SDK2: variants seen among roughly 807,000 people sequenced by gnomAD.
SDK2 encodes protein sidekick-2.
SDK2 carries 105 observed loss-of-function variants against 253.9 expected under a neutral mutation model. The ratio of observed to expected loss-of-function variants is 0.41; its 90% confidence interval spans 0.35 to 0.49. The LOEUF is 0.49. Among genes scored for constraint, SDK2 ranks in the 20% least tolerant of loss-of-function variants. SDK2 has a pLI of 0.06. For synonymous variants in SDK2, 1,249 were observed against 1,234.9 expected (o/e 1.01, Z -0.24); for missense variants, 2,608 against 3,003.0 (o/e 0.87, Z 3.07).
rs1298077756 is a variant in SDK2, at chr17:73,339,222, TG to T, written c.6166-283del. On this transcript the variant is annotated intron_variant, in intron 44 of 44. Transcript: ENST00000392650. Reference sequence around the variant, plus strand: ...GAATCAGAAGACCTGAGTTTTTTTTTGTTTTTGTTTTTGTTTTTTTTTTTTG... The same window carrying T: ...GAATCAGAAGACCTGAGTTTTTTTTTTTTTTGTTTTTGTTTTTTTTTTTTG... Among the ~76,000 whole-genome samples, 200 of 117,492 alleles carry T rather than the reference TG, an allele frequency of 1.7e-3. 1 individual carries two copies. Among genetic ancestry groups the T allele is most frequent in the African/African-American group, 4.0e-3 (143 of 35,878 alleles). The allele number at this position is 117,492 out of a possible 152,430, so 77.1% of individuals were successfully genotyped here.
chr17:73,498,869 G>A (rs932155943), intron 2 of SDK2, among the ~76,000 whole-genome samples: 4 of 152,348 alleles, frequency 2.6e-5, no homozygotes, highest in Non-Finnish European at 5.9e-5. Flanking sequence ...ACAGAGCAGG[G>A]GAGGGACGCA....
intron 1 of SDK2, among the ~76,000 whole-genome samples, chr17:73,542,328 G>T (rs1209460189): frequency 6.6e-6 from 1 of 152,238 alleles, no homozygotes; most frequent in African/African-American, 2.4e-5. Flanking sequence ...GGCTGCTCCT[G>T]TGATGGAGGG....
At chr17:73,370,288 G>A (rs892366777) in intron 36 of SDK2, among the ~76,000 whole-genome samples, 2 of 152,096 alleles carry the variant, frequency 1.3e-5, no homozygotes, top group Non-Finnish European at 2.9e-5. Context: ...TGTTGCCCAG[G>A]CTGGAGTGCA....
chr17:73,500,911 C>T (rs1241512540), intron 2 of SDK2, among the ~76,000 whole-genome samples: 1 of 152,190 alleles, frequency 6.6e-6, no homozygotes, highest in Non-Finnish European at 1.5e-5. Context: ...CATCCATCCT[C>T]CCTCTGTCCT....
At position 73,643,962 on chromosome 17, in the gene SDK2, C is replaced by CCCCCCCACCCCCCCCCCCA; in HGVS notation, c.64+62_64+63insTGGGGGGGGGGGTGGGGGG. ...TCACCGTGAGGCCGGCCAGCTCCCG[C>CCCCCCCACCCCCCCCCCCA]CGCCCCTCCCCCGCCCACTCTCCCA... On this transcript the variant is annotated intron_variant, in intron 1 of 44. Transcript: ENST00000392650. The surrounding 1 kb of genome is among the most constrained non-coding windows in gnomAD (Gnocchi z 6.9). 2.5e-6 allele frequency: 2 copies of CCCCCCCACCCCCCCCCCCA among 802,558 alleles called. No individual in the cohort carries two copies. Among genetic ancestry groups the CCCCCCCACCCCCCCCCCCA allele is most frequent in the Non-Finnish European group, 4.1e-6 (2 of 485,014 alleles). The allele number at this position is 802,558 out of a possible 1,614,324, so 49.7% of individuals were successfully genotyped here.
intron 1 of SDK2, among the ~76,000 whole-genome samples, chr17:73,512,606 A>G (rs1380780781): frequency 6.6e-6 from 1 of 152,146 alleles, no homozygotes; most frequent in African/African-American, 2.4e-5. Context: ...TAAGTAGGCA[A>G]AGTGATTCTA....
rs4789240 is a variant in SDK2 at position 73,642,387 on chromosome 17, C to T, written c.64+1638G>A. On this transcript the variant is annotated intron_variant, in intron 1 of 44. Transcript: ENST00000392650. This position sits in a 1 kb window ranked among gnomAD's most constrained non-coding sequence, Gnocchi z 4.7. Reference sequence around the variant, plus strand: ...GACAGATGCTGGCATCCCGTCCCTCCACGCCGTCCAGGCTTTTGGCTAGTA... The same window carrying T: ...GACAGATGCTGGCATCCCGTCCCTCTACGCCGTCCAGGCTTTTGGCTAGTA... Among the ~76,000 whole-genome samples the T allele has an allele frequency of 0.23, 34,900 of 152,202 alleles. 4,299 individuals are homozygous for T. The highest frequency in any genetic ancestry group is 0.28 in the South Asian group (1,335 of 4,828).
At chr17:73,588,753 C>G (rs1167175807) in intron 1 of SDK2, among the ~76,000 whole-genome samples, 2 of 152,252 alleles carry the variant, frequency 1.3e-5, no homozygotes, top group Non-Finnish European at 2.9e-5. Flanking sequence ...AGTGCGGAGA[C>G]TGGGAAGTCT....
At position 73,514,685 on chromosome 17, in the gene SDK2, C is replaced by T. The variant is rs1374797944; in HGVS notation, c.65-7088G>A. 3.3e-5 allele frequency among the ~76,000 whole-genome samples: 5 copies of T among 152,346 alleles called. No homozygotes were observed. The East Asian group carries it at 9.7e-4, about 29-fold the overall frequency. ...ACAAACTCCCTTCCCAGCTCTGAAA[C>T]ATGCAGAAACCTCTCTCTTTTTGCG... On this transcript the variant is annotated intron_variant, in intron 1 of 44. Coordinates refer to ENST00000392650, the MANE Select transcript of SDK2 (RefSeq NM_001144952.2).
intron 5 of SDK2, among the ~76,000 whole-genome samples, chr17:73,444,476 G>A (rs896681932): frequency 6.6e-6 from 1 of 152,180 alleles, no homozygotes; most frequent in African/African-American, 2.4e-5. Context: ...GGGCCCTGGG[G>A]TGGGAGGAAG....
intron 1 of SDK2, among the ~76,000 whole-genome samples, chr17:73,531,438 G>A (rs1249265506): frequency 6.6e-6 from 1 of 152,046 alleles, no homozygotes; most frequent in Non-Finnish European, 1.5e-5. Context: ...TGTGAGCCCA[G>A]CTGCCTGTTC....
At chr17:73,617,719 C>T (rs2046079683) in intron 1 of SDK2, among the ~76,000 whole-genome samples, 1 of 152,180 alleles carries the variant, frequency 6.6e-6, no homozygotes, top group East Asian at 1.9e-4. Context: ...GAGTCTGTCC[C>T]TGATGCCACT....
At chr17:73,355,334 C>T (rs890609173) in intron 40 of SDK2, among the ~76,000 whole-genome samples, 7 of 149,134 alleles carry the variant, frequency 4.7e-5, no homozygotes, top group South Asian at 2.2e-4. Context: ...CCCGCCACCA[C>T]GCCCGGCTAA....
intron 1 of SDK2, among the ~76,000 whole-genome samples, chr17:73,624,726 C>T (rs951156445): frequency 1.3e-5 from 2 of 152,200 alleles, no homozygotes; most frequent in African/African-American, 4.8e-5. Flanking sequence ...ATAAGCACCG[C>T]TCTCAGCCAC....
At chr17:73,362,427 C>CA (rs149456579) in intron 38 of SDK2, among the ~76,000 whole-genome samples, 9,207 of 144,004 alleles carry the variant, frequency 0.064, 552 homozygotes, top group East Asian at 0.22. Flanking sequence ...TTTTTTAAGA[C>CA]AAGGTCTTGC....
At position 73,541,421 on chromosome 17, in the gene SDK2, A is replaced by G. The variant is rs1908068319; in HGVS notation, c.65-33824T>C. 6.6e-6 allele frequency among the ~76,000 whole-genome samples: 1 copy of G among 152,058 alleles called. No homozygotes were observed. Among genetic ancestry groups the G allele is most frequent in the Admixed American group, 6.5e-5 (1 of 15,274 alleles). Reference sequence around the variant, plus strand: ...CTAGCTCGGGCAGCACACTTAGCACATGGGCGCCTTGCTGGGTGCTCCATC... The same window carrying G: ...CTAGCTCGGGCAGCACACTTAGCACGTGGGCGCCTTGCTGGGTGCTCCATC... On this transcript the variant is annotated intron_variant, in intron 1 of 44. Transcript: ENST00000392650. This position sits in a 1 kb window ranked among gnomAD's most constrained non-coding sequence, Gnocchi z 4.3.
At position 73,442,892 on chromosome 17, in the gene SDK2, T is replaced by C. The variant is rs995869626; in HGVS notation, c.614-1969A>G. Among the ~76,000 whole-genome samples, 10 of 151,572 alleles carry C rather than the reference T, an allele frequency of 6.6e-5. 1 individual carries two copies. The highest frequency in any genetic ancestry group is 5.9e-4 in the Admixed American group (9 of 15,262). On this transcript the variant is annotated intron_variant, in intron 5 of 44. Coordinates refer to ENST00000392650, the MANE Select transcript of SDK2 (RefSeq NM_001144952.2). ...GTGGTAGCAATTCCTTTTTTTTATATTTTGAGTTTTTTTTTTTAAAGTAGA... is the reference window on the plus strand; with the variant it reads ...GTGGTAGCAATTCCTTTTTTTTATACTTTGAGTTTTTTTTTTTAAAGTAGA...
At chr17:73,607,270 C>T (rs2045919086) in intron 1 of SDK2, among the ~76,000 whole-genome samples, 2 of 152,230 alleles carry the variant, frequency 1.3e-5, no homozygotes, top group Non-Finnish European at 1.5e-5. Flanking sequence ...TAGCAGGCAG[C>T]TGTAGAAAAG....
At position 73,352,673 on chromosome 17, in the gene SDK2, A is replaced by T. The variant is rs1407955368; in HGVS notation, c.5594-36T>A. 1 of 1,607,740 alleles carries T rather than the reference A, an allele frequency of 6.2e-7. No homozygotes were observed. Among genetic ancestry groups the T allele is most frequent in the Non-Finnish European group, 8.5e-7 (1 of 1,174,972 alleles). On this transcript the variant is annotated intron_variant, in intron 40 of 44. Transcript: ENST00000392650. The surrounding 1 kb of genome is among the most constrained non-coding windows in gnomAD (Gnocchi z 4.1). ...ACAGAGATGGAGGCCCTGGGAGGTGAGGGGAAGCCCCAAATCCCGCTCCCA... is the reference window on the plus strand; with the variant it reads ...ACAGAGATGGAGGCCCTGGGAGGTGTGGGGAAGCCCCAAATCCCGCTCCCA...
Sources: gnomAD v4.1 joint callset for allele counts (sites outside exome capture counted in the v4.1 genomes callset) on GRCh38, gnomAD v4.1.1 for gene constraint, Gnocchi (gnomAD v3.1) non-coding constraint, MANE v1.5 for transcripts, NCBI Gene and HGNC (gene_info 2026-07-23, HGNC 2026-07-21) for gene names.